The following PAPOLG variants were observed in gnomAD, a reference collection of about 807,000 sequenced individuals.
PAPOLG encodes poly(A) polymerase gamma.
Under a neutral mutation model 99.0 loss-of-function variants are expected in PAPOLG, and 40 were observed. The observed-to-expected ratio is 0.40, with a 90% confidence interval of 0.31 to 0.53. The LOEUF is 0.53. Among genes scored for constraint, PAPOLG ranks in the 20% least tolerant of loss-of-function variants. The pLI, the probability that PAPOLG is intolerant of heterozygous loss-of-function variation, is 0.41. For synonymous variants in PAPOLG, 310 were observed against 299.3 expected (o/e 1.04, Z -0.37); for missense variants, 675 against 884.1 (o/e 0.76, Z 3.00).
intron 9 of PAPOLG, among the ~76,000 whole-genome samples, chr2:60,780,303 C>T (rs1279546339): frequency 6.9e-6 from 1 of 144,732 alleles, no homozygotes; most frequent in Admixed American, 7.1e-5. Flanking sequence ...TTAATTGAGA[C>T]AGGGTCTCAC....
chr2:60,761,929 T>A, intron 3 of PAPOLG, 122 bp downstream of exon 3: 1 of 745,854 alleles, frequency 1.3e-6, no homozygotes, highest in Non-Finnish European at 2.3e-6. Flanking sequence ...CTGGTATATG[T>A]AGGAATGAAT....
intron 7 of PAPOLG, among the ~76,000 whole-genome samples, chr2:60,771,852 A>G (rs187664835): frequency 2.0e-5 from 3 of 152,328 alleles, no homozygotes; most frequent in Non-Finnish European, 1.5e-5. Context: ...TACTGGTCTC[A>G]AGACTTCTTT....
chr2:60,771,593 G>A lies in PAPOLG; in HGVS notation c.567G>A (p.Leu189=), dbSNP rs370228974. 57 of 1,608,468 alleles carry A rather than the reference G, an allele frequency of 3.5e-5. 2 individuals are homozygous for A. The South Asian group carries it at 6.0e-4, about 17-fold the overall frequency. Residue 189 remains leucine, a synonymous_variant, in exon 7 of 22, where the codon CTG becomes CTA. Coordinates refer to ENST00000238714, the MANE Select transcript of PAPOLG (RefSeq NM_022894.4). ...TAGATCTAAGAGACGACTCTCGCCT[G>A]AGAAGCCTTGATATAAGGTGTATTC... ...DNLDLRDDSR[L]RSLDIRCIRS... is the part of the protein sequence containing the mutation.
chr2:60,766,950 C>T (rs1670694771), intron 3 of PAPOLG, among the ~76,000 whole-genome samples: 1 of 152,098 alleles, frequency 6.6e-6, no homozygotes, highest in Non-Finnish European at 1.5e-5. Context: ...TTGAGTACAA[C>T]AACTATATTT....
At position 60,797,224 on chromosome 2, in the gene PAPOLG, T is replaced by C; in HGVS notation, c.*64T>C. ...TAGTGGCATAGATGCAGCCACTTGTTTTTTAAATAGAAGTGGCTGTCATAC... is the reference window on the plus strand; with the variant it reads ...TAGTGGCATAGATGCAGCCACTTGTCTTTTAAATAGAAGTGGCTGTCATAC... On this transcript the variant is annotated 3_prime_UTR_variant, in exon 22 of 22. Transcript: ENST00000238714. The C allele has an allele frequency of 6.4e-7, 1 of 1,569,052 alleles. No individual in the cohort carries two copies. Among genetic ancestry groups the C allele is most frequent in the Non-Finnish European group, 8.8e-7 (1 of 1,141,160 alleles).
At position 60,782,668 on chromosome 2, in the gene PAPOLG, T is replaced by TTTTTTTTTTTTTTTTTTTG; in HGVS notation, c.1028-8_1028-7insTTTTTTTTGTTTTTTTTTT. 7.3e-7 allele frequency: 1 copy of TTTTTTTTTTTTTTTTTTTG among 1,375,212 alleles called. No individual in the cohort carries two copies. The highest frequency in any genetic ancestry group is 1.4e-5 in the South Asian group (1 of 69,388). The allele number at this position is 1,375,212 out of a possible 1,614,324, so 85.2% of individuals were successfully genotyped here. ...CATTCTTCTTCTTTTTTTTTTTTTTTTTTTTTTTTTAATTTAGGTCTTGCA... is the reference window on the plus strand; with the variant it reads ...CATTCTTCTTCTTTTTTTTTTTTTTTTTTTTTTTTTTTTTTTTTGTTTTTTTTTTAATTTAGGTCTTGCA... On this transcript the variant is annotated splice_polypyrimidine_tract_variant and intron_variant, in intron 11 of 21. Coordinates refer to ENST00000238714, the MANE Select transcript of PAPOLG (RefSeq NM_022894.4).
chr2:60,760,421 C>A, intron 2 of PAPOLG, 126 bp downstream of exon 2: 1 of 831,242 alleles, frequency 1.2e-6, no homozygotes, highest in South Asian at 1.9e-5. Flanking sequence ...AAATCTTGGC[C>A]CTCTTGGAGC....
chr2:60,778,907 G>T (rs1249006017), intron 8 of PAPOLG, among the ~76,000 whole-genome samples: 1 of 151,988 alleles, frequency 6.6e-6, no homozygotes, highest in Admixed American at 6.6e-5. Context: ...CGCTTGGCGG[G>T]ACATAATATA....
intron 15 of PAPOLG, among the ~76,000 whole-genome samples, chr2:60,790,338 G>C (rs1269832087): frequency 1.3e-5 from 2 of 152,118 alleles, no homozygotes; most frequent in African/African-American, 4.8e-5. Context: ...TTCAGATTAA[G>C]AAACTTGAGG....
At chr2:60,764,891 G>A (rs903815661) in intron 3 of PAPOLG, among the ~76,000 whole-genome samples, 4 of 152,106 alleles carry the variant, frequency 2.6e-5, no homozygotes, top group African/African-American at 9.7e-5. Flanking sequence ...TTGCCAAAAG[G>A]CTGTCTGCCT....
chr2:60,792,011 T>A lies in PAPOLG; in HGVS notation c.1519-118T>A. The stretch of plus-strand genomic sequence containing the variant: ...AGATATAGGCAGTTCAATCTAGGAC[T>A]AAAATCTCATTTTCATTAATCACAA... On this transcript the variant is annotated intron_variant, in intron 16 of 21. Coordinates refer to ENST00000238714, the MANE Select transcript of PAPOLG (RefSeq NM_022894.4). 3 of 1,455,688 alleles carry A rather than the reference T, an allele frequency of 2.1e-6. No homozygotes were observed. In the South Asian group the frequency reaches 4.1e-5, roughly 20 times the overall value. The allele number at this position is 1,455,688 out of a possible 1,614,324, so 90.2% of individuals were successfully genotyped here. A position where few individuals can be genotyped will look rare whatever the true frequency, so the allele number is the denominator to read the frequency against.
chr2:60,786,930 T>G lies in PAPOLG; in HGVS notation c.1167-17T>G. The G allele has an allele frequency of 1.2e-6, 2 of 1,600,230 alleles. No homozygotes were observed. Among genetic ancestry groups the G allele is most frequent in the Non-Finnish European group, 1.7e-6 (2 of 1,175,350 alleles). On this transcript the variant is annotated splice_polypyrimidine_tract_variant and intron_variant, in intron 13 of 21. Coordinates refer to ENST00000238714, the MANE Select transcript of PAPOLG (RefSeq NM_022894.4). ...TAAAGTGGACATAAGATAAATTGTG[T>G]TTGTTGTTTATTTTAGGGTTGGATT...
chr2:60,791,326 G>A (rs1490805038), intron 15 of PAPOLG, among the ~76,000 whole-genome samples: 3 of 152,178 alleles, frequency 2.0e-5, no homozygotes, highest in East Asian at 3.9e-4. Flanking sequence ...CGAGGTGGGC[G>A]GATCACCTGA....
At chr2:60,776,418 ATTTTTTTTTT>A (rs70959863) in intron 8 of PAPOLG, among the ~76,000 whole-genome samples, 1 of 85,868 alleles carries the variant, frequency 1.2e-5, no homozygotes, top group Admixed American at 1.2e-4. Flanking sequence ...CATTGGCTTC[ATTTTTTTTTT>A]TTTTTTTTTT....
intron 3 of PAPOLG, among the ~76,000 whole-genome samples, chr2:60,766,036 A>G (rs1670666589): frequency 6.6e-6 from 1 of 152,242 alleles, no homozygotes. Context: ...ACACAGAAGC[A>G]TTAACAAGGA....
intron 10 of PAPOLG, among the ~76,000 whole-genome samples, chr2:60,781,201 T>TA (rs1236588633): frequency 1.3e-5 from 2 of 151,876 alleles, no homozygotes; most frequent in East Asian, 3.9e-4. Context: ...ACTGAAAATA[T>TA]AAAAAATTAG....
At chr2:60,777,874 G>C (rs1349822235) in intron 8 of PAPOLG, among the ~76,000 whole-genome samples, 1 of 152,152 alleles carries the variant, frequency 6.6e-6, no homozygotes, top group East Asian at 1.9e-4. Flanking sequence ...GGCTCAGTTT[G>C]TGGTGCCCCA....
At chr2:60,787,370 C>A in intron 14 of PAPOLG, 141 bp from the exon 15 acceptor site, 1 of 1,127,688 alleles carries the variant, frequency 8.9e-7, no homozygotes, top group Non-Finnish European at 1.2e-6. Context: ...CTGGATGTCA[C>A]TTTTAAGAAT....
chr2:60,772,653 C>T (rs1272427246), intron 7 of PAPOLG, among the ~76,000 whole-genome samples: 2 of 151,900 alleles, frequency 1.3e-5, no homozygotes, highest in Admixed American at 1.3e-4. Context: ...GAGGCTGAGG[C>T]AGGAAAATCA....
Sources: gnomAD v4.1 joint callset for allele counts (sites outside exome capture counted in the v4.1 genomes callset) on GRCh38, gnomAD v4.1.1 for gene constraint, MANE v1.5 for transcripts, NCBI Gene and HGNC (gene_info 2026-07-23, HGNC 2026-07-21) for gene names.